LIMD1: variants seen among roughly 807,000 people sequenced by gnomAD.
LIMD1 encodes LIM domain containing 1.
A neutral mutation model predicts 58.4 loss-of-function variants in LIMD1; 23 were observed. The observed-to-expected ratio is 0.39, with a 90% CI of 0.28 to 0.56. The LOEUF is 0.56. LIMD1 is among the 20% of genes least tolerant of loss of function. The pLI, the probability that LIMD1 is intolerant of heterozygous loss-of-function variation, is 0.57. For missense variants in LIMD1, 838 were observed against 855.5 expected, an observed-to-expected ratio of 0.98 and a Z score of 0.25; for synonymous variants, 334 against 345.5, an observed-to-expected ratio of 0.97 and a Z score of 0.37.
chr3:45,615,559 T>C (rs1575346763), intron 1 of LIMD1, among the ~76,000 whole-genome samples: 1 of 152,176 alleles, frequency 6.6e-6, no homozygotes, highest in East Asian at 1.9e-4. Context: ...AAGTTGAGGC[T>C]GCCTGGGCCA....
Position 45,676,946 on chromosome 3 carries a change from G to T in LIMD1, c.1918G>T (p.Glu640Ter). The part of the protein sequence containing the change: ...CEDCGLELND[E>*]DGHRCYPLED... ...GGACTGTGGTCTGGAGCTCAATGAT[G>T]AAGATGGCCACCGCTGTTATCCGCT... The change falls in exon 8 of 8, where the codon GAA (glutamate) becomes TAA (stop). Residue 640 changes from glutamate (E) to a stop codon, truncating the protein, a stop_gained. Transcript: ENST00000273317. LOFTEE classifies it high-confidence loss of function. The T allele has an allele frequency of 6.2e-7, 1 of 1,614,160 alleles. No individual in the cohort carries two copies. Among genetic ancestry groups the T allele is most frequent in the East Asian group, 2.2e-5 (1 of 44,884 alleles).
chr3:45,600,614 A>G (rs1408093824), intron 1 of LIMD1, among the ~76,000 whole-genome samples: 1 of 152,076 alleles, frequency 6.6e-6, no homozygotes, highest in Non-Finnish European at 1.5e-5. Flanking sequence ...CCTGGCCTAC[A>G]CCACCTAGTG....
At chr3:45,615,842 C>A (rs1575346861) in intron 1 of LIMD1, among the ~76,000 whole-genome samples, 1 of 151,972 alleles carries the variant, frequency 6.6e-6, no homozygotes, top group South Asian at 2.1e-4. Context: ...TCATTCCGCA[C>A]TGTATGTCCA....
intron 2 of LIMD1, among the ~76,000 whole-genome samples, chr3:45,661,734 G>C (rs565933899): frequency 5.3e-5 from 8 of 152,282 alleles, no homozygotes; most frequent in Admixed American, 1.3e-4. Flanking sequence ...TTGCTAGTCT[G>C]ATAGGTAAAG....
In LIMD1 at chr3:45,609,500, G is replaced by A. The variant is rs927542790; in HGVS notation, c.1408+13213G>A. On this transcript the variant is annotated intron_variant, in intron 1 of 7. Transcript: ENST00000273317. Reference sequence around the variant, plus strand: ...CTGGGATACAGGCATGTGCCACCGCGCCTGGCTCTGAATGGTTCCTTGGTT... The same window carrying A: ...CTGGGATACAGGCATGTGCCACCGCACCTGGCTCTGAATGGTTCCTTGGTT... Among the ~76,000 whole-genome samples the A allele has an allele frequency of 3.2e-4, 48 of 152,126 alleles. 1 individual carries two copies. The highest frequency in any genetic ancestry group is 2.7e-3 in the Admixed American group (42 of 15,276).
At chr3:45,636,916 C>G (rs570800503) in intron 2 of LIMD1, among the ~76,000 whole-genome samples, 1 of 152,298 alleles carries the variant, frequency 6.6e-6, no homozygotes, top group Admixed American at 6.5e-5. Flanking sequence ...CCAAGTCTGA[C>G]CAAGTTATGG....
intron 1 of LIMD1, among the ~76,000 whole-genome samples, chr3:45,606,857 A>G (rs778746517): frequency 1.6e-4 from 25 of 152,228 alleles, no homozygotes; most frequent in Middle Eastern, 3.4e-3. Context: ...TGCAGTGGCA[A>G]TATCTCAGCT....
chr3:45,606,453 G>A (rs1444893421), intron 1 of LIMD1, among the ~76,000 whole-genome samples: 1 of 152,182 alleles, frequency 6.6e-6, no homozygotes, highest in Non-Finnish European at 1.5e-5. Context: ...GCATGCCTGA[G>A]CTGACTGGAG....
intron 1 of LIMD1, among the ~76,000 whole-genome samples, chr3:45,613,728 C>G (rs542436909): frequency 7.9e-4 from 120 of 151,678 alleles, no homozygotes; most frequent in Admixed American, 1.3e-3. Context: ...GAACTCCTGG[C>G]TTCAAGTGAT....
At chr3:45,640,747 A>G (rs1372110795) in intron 2 of LIMD1, among the ~76,000 whole-genome samples, 1 of 152,202 alleles carries the variant, frequency 6.6e-6, no homozygotes, top group Non-Finnish European at 1.5e-5. Flanking sequence ...GTGTTATTAC[A>G]TAGATGGTGA....
rs368224568 is a variant in LIMD1 at position 45,677,191 on chromosome 3, G to A, written c.*132G>A. 7.2e-6 allele frequency: 7 copies of A among 977,802 alleles called. No homozygotes were observed. Among genetic ancestry groups the A allele is most frequent in the African/African-American group, 6.5e-5 (4 of 61,702 alleles). The allele number at this position is 977,802 out of a possible 1,614,324, so 60.6% of individuals were successfully genotyped here. On this transcript the variant is annotated 3_prime_UTR_variant, in exon 8 of 8. Coordinates refer to ENST00000273317, the MANE Select transcript of LIMD1 (RefSeq NM_014240.3). ...GGAGGGAGAGTTCCTGTGAGCATGT[G>A]GGGGGTGCCTTTCCTTTAACCAGGG...
intron 1 of LIMD1, among the ~76,000 whole-genome samples, chr3:45,608,901 A>G (rs189365659): frequency 1.3e-5 from 2 of 152,134 alleles, no homozygotes; most frequent in East Asian, 1.9e-4. Context: ...AATTAGTGAT[A>G]AGGTTCAAAA....
intron 2 of LIMD1, among the ~76,000 whole-genome samples, chr3:45,650,617 T>G (rs1701958590): frequency 6.6e-6 from 1 of 151,886 alleles, no homozygotes; most frequent in African/African-American, 2.4e-5. Flanking sequence ...GATAGTTTGC[T>G]GAGAATGATG....
At position 45,677,164 on chromosome 3, in the gene LIMD1, C is replaced by A; in HGVS notation, c.*105C>A. 1 of 1,332,380 alleles carries A rather than the reference C, an allele frequency of 7.5e-7. No individual in the cohort carries two copies. Among genetic ancestry groups the A allele is most frequent in the Non-Finnish European group, 1.0e-6 (1 of 958,324 alleles). The allele number at this position is 1,332,380 out of a possible 1,614,324, so 82.5% of individuals were successfully genotyped here. ...AAGTGGGGTAGGGGAAGAGGAGGGGCAGGAGGGAGAGTTCCTGTGAGCATG... is the reference window on the plus strand; with the variant it reads ...AAGTGGGGTAGGGGAAGAGGAGGGGAAGGAGGGAGAGTTCCTGTGAGCATG... On this transcript the variant is annotated 3_prime_UTR_variant, in exon 8 of 8. Coordinates refer to ENST00000273317, the MANE Select transcript of LIMD1 (RefSeq NM_014240.3).
intron 1 of LIMD1, among the ~76,000 whole-genome samples, chr3:45,613,510 G>A (rs2125651697): frequency 6.7e-6 from 1 of 148,844 alleles, no homozygotes; most frequent in East Asian, 2.0e-4. Context: ...TTGTGCTTTT[G>A]TTTTACTGCT....
chr3:45,656,692 AT>A (rs942149556), intron 2 of LIMD1, among the ~76,000 whole-genome samples: 39 of 151,852 alleles, frequency 2.6e-4, no homozygotes, highest in African/African-American at 9.2e-4. Flanking sequence ...TGGTTTTTGT[AT>A]TTTTAGTAGG....
intron 2 of LIMD1, among the ~76,000 whole-genome samples, chr3:45,637,830 C>T (rs1701803961): frequency 6.6e-6 from 1 of 152,250 alleles, no homozygotes; most frequent in South Asian, 2.1e-4. Flanking sequence ...TCAGTCCTCA[C>T]TGCAATTTGC....
intron 2 of LIMD1, among the ~76,000 whole-genome samples, chr3:45,653,542 A>T (rs1042177603): frequency 6.6e-6 from 1 of 152,314 alleles, no homozygotes; most frequent in Non-Finnish European, 1.5e-5. Flanking sequence ...CAAGCCTGCA[A>T]AATCGAGGCT....
In LIMD1 at chr3:45,595,567, C is replaced by G; in HGVS notation, c.688C>G (p.Arg230Gly). The stretch of plus-strand genomic sequence containing the variant: ...CTGCGGGGACCATCCCCTAAATCAC[C>G]GACAGCTCTCCCTGAGCTCCAGCAG... ...KPCGDHPLNH[R>G]QLSLSSSRSS... Residue 230 changes from arginine to glycine, a missense_variant, in exon 1 of 8, where the codon CGA (arginine) becomes GGA (glycine). Physicochemically the swap from Arg to Gly is moderately radical, Grantham distance 125. Transcript: ENST00000273317. The G allele has an allele frequency of 6.2e-7, 1 of 1,614,074 alleles. No homozygotes were observed. The highest frequency in any genetic ancestry group is 1.1e-5 in the South Asian group (1 of 91,076).
Sources: gnomAD v4.1 joint callset for allele counts (sites outside exome capture counted in the v4.1 genomes callset) on GRCh38, gnomAD v4.1.1 for gene constraint, MANE v1.5 for transcripts, NCBI Gene and HGNC (gene_info 2026-07-23, HGNC 2026-07-21) for gene names.